Variants in SYNPR observed in about 807,000 individuals in gnomAD.
SYNPR encodes the protein synaptoporin.
In SYNPR, 23 loss-of-function variants were observed where a neutral mutation model predicts 32.9. The observed-to-expected ratio is 0.70, with a 90% CI of 0.50 to 0.99. SYNPR has a LOEUF of 0.99. SYNPR is among the 50% of genes least tolerant of loss of function. The probability of loss-of-function intolerance (pLI) is 0.00; values close to 1 mark genes in which losing one functional copy is unlikely to be tolerated. For missense variants in SYNPR, 318 were observed against 349.3 expected, an observed-to-expected ratio of 0.91 and a Z score of 0.71; for synonymous variants, 146 against 135.9, an observed-to-expected ratio of 1.07 and a Z score of -0.52.
chr3:63,222,376 A>T, the SYNPR span, among the ~76,000 whole-genome samples: 1 of 152,178 alleles, frequency 6.6e-6, no homozygotes, highest in Non-Finnish European at 1.5e-5. Flanking sequence ...GTCTTATTTC[A>T]AATTTTAAAA....
chr3:63,345,145 G>A (rs926194529), intron 2 of SYNPR, among the ~76,000 whole-genome samples: 1 of 152,176 alleles, frequency 6.6e-6, no homozygotes. Context: ...ACTATGCCTA[G>A]GTTTTAGCAG....
intron 2 of SYNPR, among the ~76,000 whole-genome samples, chr3:63,456,266 A>G (rs1221279840): frequency 6.6e-6 from 1 of 152,062 alleles, no homozygotes; most frequent in Non-Finnish European, 1.5e-5. Flanking sequence ...AGTGTCTAAT[A>G]CATGGCATTT....
At position 63,253,877 on chromosome 3, in the gene SYNPR, T is replaced by C. The variant is rs562451572; in HGVS notation, n.154+1291T>C. On this transcript the variant is annotated intron_variant and non_coding_transcript_variant, in intron 2 of 4. Coordinates refer to the SYNPR transcript ENST00000478456. ...AAAGACACATGCATATGTATGTTTA[T>C]TGCGGCACTATTCACAATAGCAAAG... 7.9e-5 allele frequency among the ~76,000 whole-genome samples: 12 copies of C among 152,318 alleles called. No homozygotes were observed. The South Asian group carries it at 1.5e-3, about 18-fold the overall frequency.
At chr3:63,535,328 A>C (rs1187945603) in intron 3 of SYNPR, among the ~76,000 whole-genome samples, 1 of 152,158 alleles carries the variant, frequency 6.6e-6, no homozygotes, top group East Asian at 1.9e-4. Flanking sequence ...TGTGGATAGG[A>C]AAAAAGATCA....
intron 2 of SYNPR, among the ~76,000 whole-genome samples, chr3:63,381,900 G>C (rs1442636757): frequency 1.3e-4 from 19 of 151,936 alleles, no homozygotes; most frequent in Admixed American, 1.2e-3. Context: ...GGCTTTTTTA[G>C]GGGTTCCTTC....
chr3:63,471,029 AG>A (rs1559508815), intron 2 of SYNPR, among the ~76,000 whole-genome samples: 1 of 152,232 alleles, frequency 6.6e-6, no homozygotes, highest in African/African-American at 2.4e-5. Context: ...TTGCCATGTA[AG>A]TAACTTGGAG....
At position 63,476,303 on chromosome 3, in the gene SYNPR, G is replaced by C. The variant is rs866342517; in HGVS notation, c.85-4529G>C. Among the ~76,000 whole-genome samples the C allele has an allele frequency of 6.9e-3, 374 of 54,382 alleles. 5 individuals are homozygous for C. Among genetic ancestry groups the C allele is most frequent in the East Asian group, 0.04 (46 of 1,160 alleles). 35.7% of individuals were successfully genotyped at this position (54,382 alleles called of 152,430 possible). A position where few individuals can be genotyped will look rare whatever the true frequency, so the allele number is the denominator to read the frequency against. ...AGGGAAGGAAGGGAAGGGAGGGAAG[G>C]AAGGGAAGGGAGGGAAGCAAGGGAA... On this transcript the variant is annotated intron_variant, in intron 2 of 5. Transcript: ENST00000478300.
At chr3:63,255,526 G>A in intron 2 of SYNPR, among the ~76,000 whole-genome samples, 1 of 152,132 alleles carries the variant, frequency 6.6e-6, no homozygotes, top group East Asian at 1.9e-4. Context: ...TTTTTAGATG[G>A]GCAAAATGTG....
chr3:63,291,874 G>A (rs1253892762), intron 2 of SYNPR, among the ~76,000 whole-genome samples: 1 of 151,222 alleles, frequency 6.6e-6, no homozygotes, highest in Admixed American at 6.6e-5. Context: ...AATACATGTT[G>A]CTTAATTACA....
At chr3:63,336,918 C>T (rs545683847) in intron 2 of SYNPR, among the ~76,000 whole-genome samples, 5 of 152,082 alleles carry the variant, frequency 3.3e-5, no homozygotes, top group African/African-American at 1.2e-4. Context: ...ACTGTATAGA[C>T]ACCTAGAGCC....
chr3:63,388,646 T>C (rs190078108), intron 2 of SYNPR, among the ~76,000 whole-genome samples: 54 of 151,610 alleles, frequency 3.6e-4, no homozygotes, highest in African/African-American at 1.2e-3. Flanking sequence ...GGTCTTGATC[T>C]TCTGACTTCA....
At chr3:63,607,160 G>A (rs1261887579) in intron 4 of SYNPR, among the ~76,000 whole-genome samples, 1 of 152,048 alleles carries the variant, frequency 6.6e-6, no homozygotes, top group Non-Finnish European at 1.5e-5. Flanking sequence ...TATAGGTAAT[G>A]CTTTAAGGTA....
intron 3 of SYNPR, among the ~76,000 whole-genome samples, chr3:63,272,155 T>G (rs1319311430): frequency 6.6e-6 from 1 of 152,234 alleles, no homozygotes; most frequent in African/African-American, 2.4e-5. Context: ...TTAGTAGATG[T>G]CTACATTAAC....
chr3:63,563,563 T>C (rs553206850), intron 4 of SYNPR, among the ~76,000 whole-genome samples: 6 of 152,232 alleles, frequency 3.9e-5, no homozygotes, highest in South Asian at 2.1e-4. Context: ...TCTGTCTTCT[T>C]CTCCTTTCCT....
intron 3 of SYNPR, among the ~76,000 whole-genome samples, chr3:63,552,196 C>T (rs924010767): frequency 1.3e-5 from 2 of 152,124 alleles, no homozygotes; most frequent in Non-Finnish European, 2.9e-5. Context: ...CCGCACCCGG[C>T]CGCATCTGGC....
At chr3:63,504,951 T>C (rs924324823) in intron 3 of SYNPR, among the ~76,000 whole-genome samples, 2 of 152,032 alleles carry the variant, frequency 1.3e-5, no homozygotes, top group Admixed American at 6.6e-5. Context: ...GAGAGATTTC[T>C]GAGATGACTG....
chr3:63,299,576 C>T lies in SYNPR; in HGVS notation c.84+20834C>T, dbSNP rs1412754453. ...CAGCCTCACCTATCACGTGGTTCAG[C>T]TAGGATCCTACAGCCAGATACAGGG... On this transcript the variant is annotated intron_variant, in intron 2 of 5. Transcript: ENST00000478300. Among the ~76,000 whole-genome samples the T allele has an allele frequency of 6.3e-4, 96 of 152,040 alleles. 2 individuals carry two copies. The highest frequency in any genetic ancestry group is 2.9e-5 in the Non-Finnish European group (2 of 67,994).
At chr3:63,283,112 C>T (rs1037378581) in intron 2 of SYNPR, among the ~76,000 whole-genome samples, 2 of 152,180 alleles carry the variant, frequency 1.3e-5, no homozygotes, top group Non-Finnish European at 2.9e-5. Flanking sequence ...CACCTGTCTA[C>T]AGTTGTGCAC....
Position 63,556,727 on chromosome 3 carries a change from C to A in SYNPR, c.394C>A (p.Arg132=). 1 of 1,612,858 alleles carries A rather than the reference C, an allele frequency of 6.2e-7. No homozygotes were observed. The highest frequency in any genetic ancestry group is 8.5e-7 in the Non-Finnish European group (1 of 1,179,416). Residue 132 remains arginine (R), a synonymous_variant, in exon 4 of 6, where the codon CGG becomes AGG. Transcript: ENST00000478300. ...CCAGAACAAATACCGGGAAAACAAC[C>A]GGGGCCCACTCATTGTAAGTGGTTT... ...FFQNKYRENN[R]GPLIDFIVTV...
Sources: allele counts gnomAD v4.1 joint callset (sites outside exome capture counted in the v4.1 genomes callset), GRCh38; gene constraint gnomAD v4.1.1; transcripts MANE v1.5; gene names NCBI Gene and HGNC (gene_info 2026-07-23, HGNC 2026-07-21).